The following PHF24 variants were observed in gnomAD, a reference collection of about 807,000 sequenced individuals.
PHF24 encodes Galpha inhibitory interacting protein.
PHF24 carries 25 observed loss-of-function variants against 42.6 expected under a neutral mutation model. The ratio of observed to expected loss-of-function variants is 0.59; its 90% CI spans 0.43 to 0.82. PHF24 has a LOEUF of 0.82. Among genes scored for constraint, PHF24 ranks in the 40% least tolerant of loss-of-function variants. PHF24 has a pLI of 0.00. For synonymous variants in PHF24, 185 were observed against 204.8 expected (o/e 0.90, Z 0.83); for missense variants, 470 against 538.1 (o/e 0.87, Z 1.25).
At chr9:34,811,777 A>G in the PHF24 span, among the ~76,000 whole-genome samples, 3 of 152,244 alleles carry the variant, frequency 2.0e-5, no homozygotes, top group African/African-American at 7.2e-5. Flanking sequence ...AGCATGAGTA[A>G]CAAAAGAAAA....
chr9:34,697,202 C>G, the PHF24 span, among the ~76,000 whole-genome samples: 1 of 152,204 alleles, frequency 6.6e-6, no homozygotes, highest in African/African-American at 2.4e-5. Context: ...CCTCGCTGGC[C>G]TGTTGTAGAA....
chr9:34,942,521 G>A, the PHF24 span, among the ~76,000 whole-genome samples: 2 of 152,168 alleles, frequency 1.3e-5, no homozygotes, highest in African/African-American at 4.8e-5. Flanking sequence ...AAAATACACA[G>A]GTAGTCCAGA....
At chr9:34,875,730 C>T in the PHF24 span, among the ~76,000 whole-genome samples, 1 of 152,062 alleles carries the variant, frequency 6.6e-6, no homozygotes, top group African/African-American at 2.4e-5. Context: ...TTCAGTTTTA[C>T]ATTCTTCCAC....
At chr9:34,694,704 G>A in the PHF24 span, among the ~76,000 whole-genome samples, 6 of 152,052 alleles carry the variant, frequency 3.9e-5, no homozygotes, top group African/African-American at 4.8e-5. Flanking sequence ...CCTGACCTCA[G>A]GTGATCCACC....
chr9:34,936,337 C>T, the PHF24 span, among the ~76,000 whole-genome samples: 255 of 152,356 alleles, frequency 1.7e-3, no homozygotes, highest in African/African-American at 5.2e-3. Context: ...TCCGGAGGTG[C>T]CGGGATTGCA....
the PHF24 span, chr9:34,666,069 G>A: frequency 3.9e-6 from 1 of 256,280 alleles, no homozygotes; most frequent in Non-Finnish European, 7.7e-6. Flanking sequence ...TACGTCACAG[G>A]GATGCCGTTG....
At chr9:34,718,750 C>T in the PHF24 span, among the ~76,000 whole-genome samples, 1 of 152,202 alleles carries the variant, frequency 6.6e-6, no homozygotes, top group African/African-American at 2.4e-5. Context: ...TGAGCAGGTA[C>T]AGAAGTGAAG....
chr9:34,796,474 A>G, the PHF24 span, among the ~76,000 whole-genome samples: 1 of 152,202 alleles, frequency 6.6e-6, no homozygotes, highest in African/African-American at 2.4e-5. Flanking sequence ...CAAACATCCA[A>G]CAAAGGACCT....
chr9:34,845,886 G>A, the PHF24 span, among the ~76,000 whole-genome samples: 9 of 151,844 alleles, frequency 5.9e-5, no homozygotes, highest in Non-Finnish European at 1.2e-4. Context: ...TACTGAGAAT[G>A]ATGATTTCCA....
chr9:34,863,147 C>T, the PHF24 span, among the ~76,000 whole-genome samples: 1 of 152,106 alleles, frequency 6.6e-6, no homozygotes, highest in Non-Finnish European at 1.5e-5. Flanking sequence ...TTCCCAACTC[C>T]AGGGTCTGGC....
At chr9:34,727,865 C>T in the PHF24 span, among the ~76,000 whole-genome samples, 1 of 152,220 alleles carries the variant, frequency 6.6e-6, no homozygotes, top group African/African-American at 2.4e-5. Context: ...GTGAACCCCA[C>T]TCTTCCCTGG....
chr9:34,696,661 T>C, the PHF24 span, among the ~76,000 whole-genome samples: 1 of 152,110 alleles, frequency 6.6e-6, no homozygotes, highest in Admixed American at 6.5e-5. Flanking sequence ...ATAAAGGCAC[T>C]GTTGGGAAGG....
chr9:34,688,112 T>G, the PHF24 span, among the ~76,000 whole-genome samples: 1 of 152,156 alleles, frequency 6.6e-6, no homozygotes, highest in Non-Finnish European at 1.5e-5. Flanking sequence ...GAAGAGGATG[T>G]CATGCTCTCA....
chr9:34,837,007 A>G, the PHF24 span: 1 of 465,460 alleles, frequency 2.1e-6, no homozygotes, highest in South Asian at 1.6e-5. Flanking sequence ...CCCAGGCTAA[A>G]TGAAAAAATC....
At chr9:34,713,114 G>A in the PHF24 span, among the ~76,000 whole-genome samples, 1 of 152,188 alleles carries the variant, frequency 6.6e-6, no homozygotes, top group Non-Finnish European at 1.5e-5. Context: ...CCATCAATTT[G>A]TGGTGACTTT....
chr9:34,824,816 G>C, the PHF24 span, among the ~76,000 whole-genome samples: 1 of 152,192 alleles, frequency 6.6e-6, no homozygotes, highest in Non-Finnish European at 1.5e-5. Flanking sequence ...TCCAGCTAGG[G>C]AAGGTAGGCA....
the PHF24 span, among the ~76,000 whole-genome samples, chr9:34,872,127 A>T: frequency 6.6e-6 from 1 of 152,044 alleles, no homozygotes; most frequent in Admixed American, 6.6e-5. Flanking sequence ...TGTTAGGTTT[A>T]TACCTATGTA....
chr9:34,798,357 G>T, the PHF24 span, among the ~76,000 whole-genome samples: 1 of 152,034 alleles, frequency 6.6e-6, no homozygotes, highest in Non-Finnish European at 1.5e-5. Flanking sequence ...TCCAGCCCTT[G>T]CCCCTCTCCC....
At chr9:34,803,023 C>T in the PHF24 span, among the ~76,000 whole-genome samples, 1 of 152,144 alleles carries the variant, frequency 6.6e-6, no homozygotes, top group South Asian at 2.1e-4. Context: ...TTCCTTTAAA[C>T]CATATCTCAG....
Sources: gnomAD v4.1 joint callset for allele counts (sites outside exome capture counted in the v4.1 genomes callset) on GRCh38, gnomAD v4.1.1 for gene constraint, MANE v1.5 for transcripts, NCBI Gene and HGNC (gene_info 2026-07-23, HGNC 2026-07-21) for gene names.